Variants in KLK14 observed in about 807,000 individuals in gnomAD.
The protein encoded by KLK14 is kallikrein-14.
A neutral mutation model predicts 24.6 loss-of-function variants in KLK14; 21 were observed. The ratio of observed to expected loss-of-function variants is 0.85; its 90% confidence interval spans 0.61 to 1.23. The LOEUF is 1.23. Ranked by LOEUF, KLK14 falls within the 50% of genes most tolerant of loss-of-function variation. The probability of loss-of-function intolerance (pLI) is 0.00; values close to 1 mark genes in which losing one functional copy is unlikely to be tolerated. For synonymous variants in KLK14, 133 were observed against 139.7 expected, an observed-to-expected ratio of 0.95 and a Z score of 0.34; for missense variants, 320 against 338.9, an observed-to-expected ratio of 0.94 and a Z score of 0.44.
rs61998181 is a variant in KLK14 at position 51,079,628 on chromosome 19, C to G, written c.287G>C (p.Arg96Pro). The change falls in exon 4 of 6, where the codon CGT becomes CCT. Residue 96 changes from arginine (R) to proline (P), a missense_variant. Physicochemically the swap from Arg to Pro is moderately radical, Grantham distance 103. Transcript: ENST00000650543. ...GTTGTAGTTGGGGTGCGTCACCTGA[C>G]GAACCACGCGCAGCACCTGCTGGGT... ...EATQQVLRVV[R>P]QVTHPNYNSR... 3 of 1,610,408 alleles carry G rather than the reference C, an allele frequency of 1.9e-6. No homozygotes were observed. Among genetic ancestry groups the G allele is most frequent in the East Asian group, 2.2e-5 (1 of 44,706 alleles).
upstream of KLK14, chr19:51,082,969 CA>C (rs1895162001): frequency 5.1e-6 from 3 of 590,526 alleles, no homozygotes; most frequent in Admixed American, 3.0e-5. Context: ...CTGCTTCTGA[CA>C]TTTTTTTTTT....
chr19:51,079,590 C>A lies in KLK14; in HGVS notation c.325G>T (p.Asp109Tyr). 1 of 1,613,914 alleles carries A rather than the reference C, an allele frequency of 6.2e-7. No individual in the cohort carries two copies. The highest frequency in any genetic ancestry group is 1.1e-5 in the South Asian group (1 of 91,042). Reference protein sequence around the residue: ...THPNYNSRTHDNDLMLLQLQQ... With the variant: ...THPNYNSRTHYNDLMLLQLQQ... ...AGCTGCAGCAGCATGAGGTCGTTGT[C>A]GTGGGTCCGGGAGTTGTAGTTGGGG... Residue 109 changes from aspartate (D) to tyrosine (Y), a missense_variant, in exon 4 of 6, where the codon GAC becomes TAC. By Grantham distance (160) the Asp-to-Tyr change is radical (BLOSUM62 -3). Coordinates refer to ENST00000650543, the MANE Select transcript of KLK14 (RefSeq NM_001369775.2).
Position 51,077,933 on chromosome 19 carries a change from C to G in KLK14, c.*74G>C. 1 of 1,560,694 alleles carries G rather than the reference C, an allele frequency of 6.4e-7. No individual in the cohort carries two copies. The highest frequency in any genetic ancestry group is 1.4e-5 in the African/African-American group (1 of 72,746). ...GGGTCTGAGGGAGGAGGGGCTGGGG[C>G]CTGGACTCCTGGGTCCTGAGTAGAG... On this transcript the variant is annotated 3_prime_UTR_variant, in exon 6 of 6. Coordinates refer to ENST00000650543, the MANE Select transcript of KLK14 (RefSeq NM_001369775.2).
chr19:51,083,910 G>A (rs191620810), upstream of KLK14, among the ~76,000 whole-genome samples: 109 of 152,278 alleles, frequency 7.2e-4, no homozygotes, highest in African/African-American at 2.6e-3. Context: ...GGCATGAGAC[G>A]TGGAAGAGAA....
rs758590560 is a variant in KLK14, at chr19:51,082,685, C to T, written c.-23+37G>A. ...AGAGAGAAGGAACCTTCAACAGAAC[C>T]GGGGGCTGAGAGGCAGAGACAGCAA... On this transcript the variant is annotated intron_variant, in intron 1 of 5. Coordinates refer to ENST00000650543, the MANE Select transcript of KLK14 (RefSeq NM_001369775.2). 72 of 1,613,954 alleles carry T rather than the reference C, an allele frequency of 4.5e-5. 1 individual carries two copies. The highest frequency in any genetic ancestry group is 2.9e-4 in the South Asian group (26 of 91,086).
At chr19:51,079,781 G>A (rs764563482) in intron 3 of KLK14, 79 bp from the exon 4 acceptor site, 7 of 1,482,568 alleles carry the variant, frequency 4.7e-6, no homozygotes, top group Non-Finnish European at 6.3e-6. Context: ...CGGTTCCCTG[G>A]CCGGGTGACG....
chr19:51,079,685 A>G lies in KLK14; in HGVS notation c.230T>C (p.Leu77Pro). 6.4e-7 allele frequency: 1 copy of G among 1,565,612 alleles called. No homozygotes were observed. Among genetic ancestry groups the G allele is most frequent in the Non-Finnish European group, 8.7e-7 (1 of 1,155,438 alleles). Residue 77 changes from leucine (L) to proline (P), a missense_variant, in exon 4 of 6, where the codon CTG becomes CCG. Leu to Pro is a moderately conservative substitution (Grantham distance 98, BLOSUM62 -3). Coordinates refer to ENST00000650543, the MANE Select transcript of KLK14 (RefSeq NM_001369775.2). ...HCGRPILQVA[L>P]GKHNLRRWEA... ...CCACCTCCTCAGGTTGTGCTTGCCC[A>G]GGGCAACCTGAAGGATCCTGGCCAC...
At chr19:51,080,071 A>T (rs944802481) in intron 3 of KLK14, among the ~76,000 whole-genome samples, 1 of 152,216 alleles carries the variant, frequency 6.6e-6, no homozygotes, top group Non-Finnish European at 1.5e-5. Flanking sequence ...CGGAGTAGGC[A>T]CCATTCTGTT....
At chr19:51,082,540 G>T (rs1022130690) in intron 2 of KLK14, 35 bp downstream of exon 2, 19 of 1,606,046 alleles carry the variant, frequency 1.2e-5, no homozygotes, top group Non-Finnish European at 1.5e-5. Context: ...AGTCTCCAGG[G>T]GACCCCCTTG....
upstream of KLK14, among the ~76,000 whole-genome samples, chr19:51,083,316 A>C (rs2091852342): frequency 6.7e-6 from 1 of 149,716 alleles, no homozygotes; most frequent in Non-Finnish European, 1.5e-5. Flanking sequence ...AGAGAGACAG[A>C]GAGAGATGGA....
At position 51,078,341 on chromosome 19, in the gene KLK14, C is replaced by T. The variant is rs1397180394; in HGVS notation, c.604-182G>A. The stretch of plus-strand genomic sequence containing the variant: ...AGGTCGGGGCACTTCCTTCCCTCTC[C>T]GCTGGGTCTGGCTCTGTCTCTGTGT... On this transcript the variant is annotated intron_variant, in intron 5 of 5. Transcript: ENST00000650543. This position sits in a 1 kb window ranked among gnomAD's most constrained non-coding sequence, Gnocchi z 5.0. Among the ~76,000 whole-genome samples the T allele has an allele frequency of 2.0e-5, 3 of 152,162 alleles. No homozygotes were observed. Among genetic ancestry groups the T allele is most frequent in the Admixed American group, 6.5e-5 (1 of 15,282 alleles).
intron 3 of KLK14, among the ~76,000 whole-genome samples, chr19:51,081,325 C>A (rs1327060925): frequency 6.6e-6 from 1 of 152,210 alleles, no homozygotes; most frequent in Non-Finnish European, 1.5e-5. Flanking sequence ...AGCTGCCCAT[C>A]TGCTTTCAGA....
chr19:51,082,960 T>A, upstream of KLK14: 1 of 609,144 alleles, frequency 1.6e-6, no homozygotes, highest in East Asian at 2.8e-5. Flanking sequence ...CCCGCCGCCC[T>A]GCTTCTGACA....
In KLK14 at chr19:51,081,617, G is replaced by T. The variant is rs1315340874; in HGVS notation, c.127C>A (p.Leu43Met). The T allele has an allele frequency of 6.4e-7, 1 of 1,551,418 alleles. No homozygotes were observed. The highest frequency in any genetic ancestry group is 8.7e-7 in the Non-Finnish European group (1 of 1,146,848). Reference protein sequence around the residue: ...RSSQPWQAALLAGPRRRFLCG... With the variant: ...RSSQPWQAALMAGPRRRFLCG... ...AGGAAGCGGCGCCTGGGACCCGCCAGCAGGGCCGCCTGCCACGGCTGGGAG... is the reference window on the plus strand; with the variant it reads ...AGGAAGCGGCGCCTGGGACCCGCCATCAGGGCCGCCTGCCACGGCTGGGAG... The change falls in exon 3 of 6, where the codon CTG becomes ATG. Residue 43 changes from leucine to methionine, a missense_variant. Coordinates refer to ENST00000650543, the MANE Select transcript of KLK14 (RefSeq NM_001369775.2).
In KLK14 at chr19:51,078,293, C is replaced by T; in HGVS notation, c.604-134G>A. 1 of 978,740 alleles carries T rather than the reference C, an allele frequency of 1.0e-6. No homozygotes were observed. The highest frequency in any genetic ancestry group is 2.6e-5 in the East Asian group (1 of 37,986). 60.6% of individuals were successfully genotyped at this position (978,740 alleles called of 1,614,324 possible). On this transcript the variant is annotated intron_variant, in intron 5 of 5. Coordinates refer to ENST00000650543, the MANE Select transcript of KLK14 (RefSeq NM_001369775.2). The surrounding 1 kb of genome is among the most constrained non-coding windows in gnomAD (Gnocchi z 5.0). ...GACAGTTAGGGACACAGTCCTGCCC[C>T]AGCTCTGAGGTCTCAGCCCCGGAGG... is the stretch of plus-strand genomic sequence containing the variant.
chr19:51,079,409 A>G, intron 4 of KLK14, 40 bp downstream of exon 4: 1 of 1,558,286 alleles, frequency 6.4e-7, no homozygotes, highest in Non-Finnish European at 8.7e-7. Context: ...CCAGGAGCCC[A>G]GGCCCAGTCC....
In KLK14 at chr19:51,079,535, A is replaced by G; in HGVS notation, c.380T>C (p.Val127Ala). ...LQQPARIGRA[V>A]RPIEVTQACA... ...GGCCTGGGTGACCTCAATGGGCCTG[A>G]CTGCCCTCCCGATCCGTGCGGGCTG... Residue 127 changes from valine (V) to alanine (A), a missense_variant, in exon 4 of 6, where the codon GTC becomes GCC. Physicochemically the swap from Val to Ala is moderately conservative, Grantham distance 64. Transcript: ENST00000650543. 6.2e-7 allele frequency: 1 copy of G among 1,613,948 alleles called. No homozygotes were observed. Among genetic ancestry groups the G allele is most frequent in the Non-Finnish European group, 8.5e-7 (1 of 1,180,006 alleles).
At position 51,082,568 on chromosome 19, in the gene KLK14, C is replaced by T; in HGVS notation, c.40+7G>A. 1 of 1,613,830 alleles carries T rather than the reference C, an allele frequency of 6.2e-7. No individual in the cohort carries two copies. Among genetic ancestry groups the T allele is most frequent in the Non-Finnish European group, 8.5e-7 (1 of 1,179,992 alleles). On this transcript the variant is annotated splice_region_variant and intron_variant, in intron 2 of 5. Transcript: ENST00000650543. ...CCCCCTTGTGTCATACCCAACCGTT[C>T]TCTTACCTATAGCCAGGACTTGAAG...
rs2091849702 is a variant in KLK14 at position 51,082,854 on chromosome 19, T to A, written c.-155A>T. On this transcript the variant is annotated 5_prime_UTR_variant, in exon 1 of 6. Coordinates refer to ENST00000650543, the MANE Select transcript of KLK14 (RefSeq NM_001369775.2). ...GAGCAGGGCACAGGTCCCTCCTTGA[T>A]GTCTTGATGAAGGAAGGAGGGGAGG... 2 of 1,249,010 alleles carry A rather than the reference T, an allele frequency of 1.6e-6. No individual in the cohort carries two copies. The highest frequency in any genetic ancestry group is 1.5e-5 in the African/African-American group (1 of 66,536). 77.4% of individuals were successfully genotyped at this position (1,249,010 alleles called of 1,614,324 possible).
Sources: gnomAD v4.1 joint callset for allele counts (sites outside exome capture counted in the v4.1 genomes callset) on GRCh38, gnomAD v4.1.1 for gene constraint, Gnocchi (gnomAD v3.1) non-coding constraint, MANE v1.5 for transcripts, NCBI Gene and HGNC (gene_info 2026-07-23, HGNC 2026-07-21) for gene names.